The following CXADR variants were observed in gnomAD, a reference collection of about 807,000 sequenced individuals.
The protein encoded by CXADR is coxsackievirus and adenovirus receptor.
CXADR carries 20 observed loss-of-function variants against 40.3 expected under a neutral mutation model. The ratio of observed to expected loss-of-function variants is 0.50; its 90% CI spans 0.35 to 0.72. The LOEUF is 0.72. CXADR is among the 30% of genes least tolerant of loss of function. The pLI, the probability that CXADR is intolerant of heterozygous loss-of-function variation, is 0.01. For synonymous variants in CXADR, 150 were observed against 161.3 expected, an observed-to-expected ratio of 0.93 and a Z score of 0.53; for missense variants, 332 against 449.1, an observed-to-expected ratio of 0.74 and a Z score of 2.36.
chr21:17,592,914 C>T (rs2061452968), intron 7 of CXADR, among the ~76,000 whole-genome samples: 1 of 151,804 alleles, frequency 6.6e-6, no homozygotes, highest in East Asian at 1.9e-4. Context: ...ATGATTTGTG[C>T]AGTTTTGTAT....
chr21:17,579,733 A>C (rs1287954563), intron 7 of CXADR, among the ~76,000 whole-genome samples: 1 of 152,236 alleles, frequency 6.6e-6, no homozygotes, highest in Non-Finnish European at 1.5e-5. Flanking sequence ...CACAGAAAGC[A>C]GTCCTTGAAT....
intron 3 of CXADR, among the ~76,000 whole-genome samples, chr21:17,556,835 TAAGA>T (rs1360271962): frequency 6.6e-6 from 1 of 152,198 alleles, no homozygotes; most frequent in Non-Finnish European, 1.5e-5. Flanking sequence ...AAGGAGTTAC[TAAGA>T]AAGAGTAAGG....
At chr21:17,573,412 A>G (rs1017767250), downstream of CXADR, among the ~76,000 whole-genome samples, 2 of 152,180 alleles carry the variant, frequency 1.3e-5, no homozygotes, top group Non-Finnish European at 2.9e-5. Context: ...GATAGTGTGC[A>G]TTGGTATAAA....
At chr21:17,575,709 G>A (rs1298053189) in intron 7 of CXADR, among the ~76,000 whole-genome samples, 2 of 150,654 alleles carry the variant, frequency 1.3e-5, no homozygotes, top group African/African-American at 4.9e-5. Context: ...TAGTCAGGAT[G>A]GTCTTGATCT....
At chr21:17,557,266 T>C (rs1297135934) in intron 3 of CXADR, among the ~76,000 whole-genome samples, 1 of 152,198 alleles carries the variant, frequency 6.6e-6, no homozygotes, top group Non-Finnish European at 1.5e-5. Context: ...ATTGCTGTCT[T>C]TTCTAGTGTT....
the CXADR span, among the ~76,000 whole-genome samples, chr21:17,619,503 C>T: frequency 3.9e-4 from 59 of 151,924 alleles, no homozygotes; most frequent in African/African-American, 1.4e-3. Flanking sequence ...GCAGGAGAAT[C>T]GCTTGAGCCT....
At chr21:17,608,093 A>G in the CXADR span, among the ~76,000 whole-genome samples, 2 of 152,226 alleles carry the variant, frequency 1.3e-5, no homozygotes, top group Non-Finnish European at 2.9e-5. Flanking sequence ...TTGGCCAGGC[A>G]TGGTGGCTCA....
intron 6 of CXADR, among the ~76,000 whole-genome samples, chr21:17,562,091 A>G (rs2061130956): frequency 6.6e-6 from 1 of 152,206 alleles, no homozygotes; most frequent in African/African-American, 2.4e-5. Context: ...TGTTTATACT[A>G]TATTGTAGTC....
chr21:17,631,253 G>C, the CXADR span, among the ~76,000 whole-genome samples: 11 of 152,068 alleles, frequency 7.2e-5, no homozygotes, highest in Non-Finnish European at 2.9e-5. Flanking sequence ...GTGGTAAATA[G>C]GTTCATGTAG....
intron 7 of CXADR, among the ~76,000 whole-genome samples, chr21:17,585,694 A>AT (rs1042160525): frequency 2.0e-5 from 3 of 151,742 alleles, no homozygotes; most frequent in African/African-American, 7.3e-5. Context: ...ATTTTTTTGT[A>AT]TTTTTAGTAC....
At chr21:17,626,357 G>A in the CXADR span, among the ~76,000 whole-genome samples, 1 of 152,148 alleles carries the variant, frequency 6.6e-6, no homozygotes, top group Non-Finnish European at 1.5e-5. Context: ...TTGGTTCCTG[G>A]ACCATCTGAA....
At chr21:17,607,957 G>C in the CXADR span, among the ~76,000 whole-genome samples, 1 of 152,188 alleles carries the variant, frequency 6.6e-6, no homozygotes, top group Non-Finnish European at 1.5e-5. Flanking sequence ...ATACAGCAGA[G>C]TACAAAAGAC....
intron 2 of CXADR, among the ~76,000 whole-genome samples, chr21:17,547,638 A>G (rs1349258109): frequency 2.6e-5 from 4 of 152,264 alleles, no homozygotes. Flanking sequence ...GGATTCTGTC[A>G]GCAGTAGAAG....
downstream of CXADR, among the ~76,000 whole-genome samples, chr21:17,572,136 C>T (rs947765872): frequency 9.3e-5 from 14 of 151,000 alleles, no homozygotes; most frequent in Non-Finnish European, 1.9e-4. Flanking sequence ...CCAAGGCAGG[C>T]GGATCACTTG....
intron 1 of CXADR, among the ~76,000 whole-genome samples, chr21:17,529,392 C>G (rs1378836327): frequency 2.0e-5 from 3 of 152,128 alleles, no homozygotes; most frequent in African/African-American, 7.2e-5. Flanking sequence ...ATGATCTTAG[C>G]TCACTGCAAG....
chr21:17,566,955 A>AG lies in CXADR; in HGVS notation c.*1263_*1264insG, dbSNP rs2061217250. The AG allele has an allele frequency of 5.1e-6, 5 of 979,190 alleles. No homozygotes were observed. The highest frequency in any genetic ancestry group is 9.5e-5 in the South Asian group (2 of 21,138). The allele number at this position is 979,190 out of a possible 1,614,324, so 60.7% of individuals were successfully genotyped here. On this transcript the variant is annotated 3_prime_UTR_variant, in exon 7 of 7. Coordinates refer to ENST00000284878, the MANE Select transcript of CXADR (RefSeq NM_001338.5). Reference sequence around the variant, plus strand: ...GAAGGTGATTTATTCTTAAAAAAAAAAAAGAAAGAAAAAGAAAAAAAGATA... The same window carrying AG: ...GAAGGTGATTTATTCTTAAAAAAAAAGAAAGAAAGAAAAAGAAAAAAAGATA...
intron 7 of CXADR, chr21:17,593,060 G>A (rs2061455007): frequency 2.7e-6 from 3 of 1,095,904 alleles, no homozygotes; most frequent in South Asian, 4.0e-5. Flanking sequence ...TGAAGGTGAT[G>A]GAAAAAGTAT....
rs73308223 is a variant in CXADR at position 17,540,764 on chromosome 21, G to A, written c.44-6263G>A. Among the ~76,000 whole-genome samples the A allele has an allele frequency of 1.2e-4, 19 of 152,274 alleles. No homozygotes were observed. In the South Asian group the frequency reaches 3.3e-3, roughly 27 times the overall value. The stretch of plus-strand genomic sequence containing the variant: ...GGATTAGCACACTGACATTTCACAC[G>A]TCTTCTACTGCGTTGACAGTAGGTT... On this transcript the variant is annotated intron_variant, in intron 1 of 6. Transcript: ENST00000284878.
Position 17,553,690 on chromosome 21 carries a change from C to T in CXADR, c.415+1737C>T, listed in dbSNP as rs948495700. ...AGGCTGGAGTGCAGTGGCATGATCT[C>T]GGCTCACGGCAACCTCCGCCTCCTG... On this transcript the variant is annotated intron_variant, in intron 3 of 6. Coordinates refer to ENST00000284878, the MANE Select transcript of CXADR (RefSeq NM_001338.5). 4.0e-5 allele frequency among the ~76,000 whole-genome samples: 6 copies of T among 149,676 alleles called. No homozygotes were observed. The East Asian group carries it at 7.9e-4, about 20-fold the overall frequency.
Sources: allele counts gnomAD v4.1 joint callset (sites outside exome capture counted in the v4.1 genomes callset), GRCh38; gene constraint gnomAD v4.1.1; transcripts MANE v1.5; gene names NCBI Gene and HGNC (gene_info 2026-07-23, HGNC 2026-07-21).